HYDIN: variants seen among roughly 807,000 people sequenced by gnomAD.
HYDIN encodes the protein HYDIN axonemal central pair apparatus protein, also known as axonemal central pair apparatus protein HYDIN.
Under a neutral mutation model 403.9 loss-of-function variants are expected in HYDIN, and 132 were observed. That is an observed-to-expected ratio of 0.33 (90% CI 0.28 to 0.38). The LOEUF (loss-of-function observed/expected upper bound fraction) is 0.38, where lower values mean the gene tolerates loss of function less well. Among genes scored for constraint, HYDIN ranks in the 10% least tolerant of loss-of-function variants. The pLI is 1.00. For missense variants in HYDIN, 2,827 were observed against 5,009.5 expected, an observed-to-expected ratio of 0.56 and a Z score of 13.15; for synonymous variants, 1,202 against 1,891.7, an observed-to-expected ratio of 0.64 and a Z score of 9.46.
At chr16:70,887,281 A>C (rs145408202) in intron 58 of HYDIN, among the ~76,000 whole-genome samples, 8,746 of 152,248 alleles carry the variant, frequency 0.057, 356 homozygotes, top group Non-Finnish European at 0.09. Flanking sequence ...TGAGATGAGG[A>C]GATTATTCTG....
At chr16:71,067,811 T>C (rs1449239285) in intron 14 of HYDIN, among the ~76,000 whole-genome samples, 2 of 152,024 alleles carry the variant, frequency 1.3e-5, no homozygotes, top group African/African-American at 4.8e-5. Context: ...GTAAAATAAA[T>C]GGAAATAACC....
chr16:70,823,977 C>G (rs2036423994), intron 83 of HYDIN, among the ~76,000 whole-genome samples: 1 of 148,760 alleles, frequency 6.7e-6, no homozygotes, highest in Admixed American at 6.7e-5. Flanking sequence ...AGTTTTCCTT[C>G]CTTTTCGAGG....
intron 23 of HYDIN, among the ~76,000 whole-genome samples, chr16:71,010,346 G>C (rs1439051879): frequency 2.0e-5 from 3 of 152,162 alleles, no homozygotes; most frequent in African/African-American, 7.2e-5. Flanking sequence ...GATGTTTATG[G>C]AAGGGACAAA....
chr16:71,004,182 C>T (rs967797015), intron 23 of HYDIN, among the ~76,000 whole-genome samples: 11 of 151,950 alleles, frequency 7.2e-5, no homozygotes, highest in East Asian at 3.9e-4. Context: ...GGTACGGTGG[C>T]GCATGCCTGT....
intron 28 of HYDIN, among the ~76,000 whole-genome samples, chr16:70,984,325 G>A (rs2079124486): frequency 6.6e-6 from 1 of 151,428 alleles, no homozygotes; most frequent in South Asian, 2.1e-4. Flanking sequence ...CCAGGAGGCA[G>A]CGGTTGCAGT....
chr16:70,865,117 C>T, intron 67 of HYDIN: 1 of 234,016 alleles, frequency 4.3e-6, no homozygotes, highest in Non-Finnish European at 8.7e-6. Flanking sequence ...CAGTGGCTTA[C>T]ATTTTTGTCC....
intron 13 of HYDIN, among the ~76,000 whole-genome samples, chr16:71,071,376 C>A (rs1271636606): frequency 1.3e-5 from 2 of 151,644 alleles, no homozygotes; most frequent in Non-Finnish European, 2.9e-5. Flanking sequence ...GAATGTTACT[C>A]CTAGGTTTCT....
At chr16:71,020,005 A>G (rs1336901088) in intron 22 of HYDIN, among the ~76,000 whole-genome samples, 169 bp downstream of exon 22, 2 of 152,106 alleles carry the variant, frequency 1.3e-5, no homozygotes, top group Admixed American at 6.5e-5. Flanking sequence ...CAGTTTCTCC[A>G]TCTGATTTAC....
chr16:71,065,989 T>C (rs1477852753), intron 15 of HYDIN, among the ~76,000 whole-genome samples: 4 of 152,364 alleles, frequency 2.6e-5, no homozygotes, highest in Non-Finnish European at 2.9e-5. Flanking sequence ...ATGGAAGTTG[T>C]CTGTTGACCC....
chr16:71,102,664 C>T (rs195669), intron 10 of HYDIN, among the ~76,000 whole-genome samples: 4,498 of 151,756 alleles, frequency 0.03, 202 homozygotes, highest in African/African-American at 0.1. Context: ...AGATTTGTTT[C>T]GTGCTTTCCT....
At chr16:70,917,512 TA>T (rs1480629399) in intron 47 of HYDIN, among the ~76,000 whole-genome samples, 44 of 149,936 alleles carry the variant, frequency 2.9e-4, no homozygotes, top group Admixed American at 2.9e-3. Flanking sequence ...CCTCTGGGAA[TA>T]AAAAAACCTT....
rs539835932 is a variant in HYDIN at position 71,064,727 on chromosome 16, C to A, written c.2189G>T (p.Gly730Val). The A allele has an allele frequency of 2.5e-6, 4 of 1,613,938 alleles. No homozygotes were observed. In the South Asian group the frequency reaches 3.3e-5, roughly 13 times the overall value. Reference protein sequence around the residue: ...LQLANQDDLPGFYEVQPQVCE... With the variant: ...LQLANQDDLPVFYEVQPQVCE... Reference sequence around the variant, plus strand: ...CACCTGAGGCTGGACCTCATAGAATCCTGGGAGGTCATCTTGATTGGCAAG... The same window carrying A: ...CACCTGAGGCTGGACCTCATAGAATACTGGGAGGTCATCTTGATTGGCAAG... Residue 730 changes from glycine (G) to valine (V), a missense_variant, in exon 16 of 86, where the codon GGA (glycine) becomes GTA (valine). Transcript: ENST00000393567.
chr16:71,103,940 T>A (rs2083533028), intron 10 of HYDIN, among the ~76,000 whole-genome samples: 1 of 152,206 alleles, frequency 6.6e-6, no homozygotes, highest in African/African-American at 2.4e-5. Flanking sequence ...GGTCTTTAAT[T>A]TCTCTCATTA....
Position 71,003,857 on chromosome 16 carries a change from C to G in HYDIN, c.3645-11647G>C, listed in dbSNP as rs1404700926. Among the ~76,000 whole-genome samples the G allele has an allele frequency of 3.3e-5, 5 of 151,416 alleles. No individual in the cohort carries two copies. In the South Asian group the frequency reaches 1.0e-3, roughly 32 times the overall value. Reference sequence around the variant, plus strand: ...TTTATATCAATCCATCCTCCTCACTCGATTCTTTCATTAATTCTAGTAATT... The same window carrying G: ...TTTATATCAATCCATCCTCCTCACTGGATTCTTTCATTAATTCTAGTAATT... On this transcript the variant is annotated intron_variant, in intron 23 of 85. Transcript: ENST00000393567.
intron 1 of HYDIN, among the ~76,000 whole-genome samples, chr16:71,230,282 G>A (rs2041221880): frequency 6.6e-6 from 1 of 152,192 alleles, no homozygotes; most frequent in Non-Finnish European, 1.5e-5. Flanking sequence ...ATTCGTCCAA[G>A]GCCTGGGGCT....
chr16:70,832,703 G>C, intron 80 of HYDIN, 145 bp downstream of exon 80: 2 of 615,260 alleles, frequency 3.3e-6, no homozygotes, highest in East Asian at 5.5e-5. Context: ...GAAGAGGGGA[G>C]AATGAATATT....
chr16:71,120,037 T>C (rs1045894996), intron 9 of HYDIN, among the ~76,000 whole-genome samples: 3 of 151,388 alleles, frequency 2.0e-5, no homozygotes, highest in Non-Finnish European at 4.4e-5. Flanking sequence ...TATCCCTTCT[T>C]CCCAGTTCTA....
chr16:71,158,534 C>T (rs1258147984), intron 6 of HYDIN, among the ~76,000 whole-genome samples: 3 of 148,436 alleles, frequency 2.0e-5, no homozygotes, highest in East Asian at 2.0e-4. Flanking sequence ...AGCCAAACAG[C>T]GCAGGAAGAT....
intron 41 of HYDIN, 92 bp from the exon 42 acceptor site, chr16:70,944,041 C>G (rs2077767797): frequency 2.0e-5 from 18 of 909,948 alleles, no homozygotes; most frequent in Non-Finnish European, 2.8e-5. Flanking sequence ...GGGAAGATCA[C>G]ATAATCTGTC....
Sources: gnomAD v4.1 joint callset for allele counts (sites outside exome capture counted in the v4.1 genomes callset) on GRCh38, gnomAD v4.1.1 for gene constraint, MANE v1.5 for transcripts, NCBI Gene and HGNC (gene_info 2026-07-23, HGNC 2026-07-21) for gene names.